ACSBG2: variants seen among roughly 807,000 people sequenced by gnomAD.
ACSBG2 encodes the protein long-chain-fatty-acid--CoA ligase ACSBG2.
A neutral mutation model predicts 74.7 loss-of-function variants in ACSBG2; 62 were observed. The observed-to-expected ratio is 0.83, with a 90% CI of 0.68 to 1.03. The LOEUF is 1.03. Among genes scored for constraint, ACSBG2 ranks in the 50% least tolerant of loss-of-function variants. The pLI, the probability that ACSBG2 is intolerant of heterozygous loss-of-function variation, is 0.00. For missense variants in ACSBG2, 730 were observed against 817.6 expected, an observed-to-expected ratio of 0.89 and a Z score of 1.31; for synonymous variants, 309 against 294.1, an observed-to-expected ratio of 1.05 and a Z score of -0.52.
intron 1 of ACSBG2, among the ~76,000 whole-genome samples, chr19:6,138,946 C>T (rs1003496927): frequency 6.6e-6 from 1 of 152,122 alleles, no homozygotes; most frequent in Non-Finnish European, 1.5e-5. Context: ...CCGCACACTC[C>T]GTGCATGTTT....
Position 6,156,441 on chromosome 19 carries a change from G to T in ACSBG2, c.397G>T (p.Val133Phe), listed in dbSNP as rs1317492056. 1.3e-6 allele frequency: 2 copies of T among 1,592,316 alleles called. No homozygotes were observed. The highest frequency in any genetic ancestry group is 3.6e-5 in the Admixed American group (2 of 55,432). Residue 133 changes from valine (V) to phenylalanine (F), a missense_variant, in exon 5 of 15, where the codon GTT becomes TTT. Coordinates refer to ENST00000588485, the MANE Select transcript of ACSBG2 (RefSeq NM_030924.5). ...VGAILAGGLC[V>F]GIYATNSAEV... ...GTTTTCTTTTCCCAGGGGTCTTTGT[G>T]TTGGTATTTATGCCACCAACTCTGC...
At chr19:6,157,039 T>C (rs1306756207) in intron 5 of ACSBG2, among the ~76,000 whole-genome samples, 1 of 151,968 alleles carries the variant, frequency 6.6e-6, no homozygotes, top group Non-Finnish European at 1.5e-5. Flanking sequence ...CTCTGCCTCC[T>C]GGGTTCATGC....
rs758197998 is a variant in ACSBG2 at position 6,182,883 on chromosome 19, G to C, written c.1039G>C (p.Val347Leu). The C allele has an allele frequency of 4.3e-6, 7 of 1,614,072 alleles. No individual in the cohort carries two copies. In the Admixed American group the frequency reaches 1.2e-4, roughly 27 times the overall value. ...KSMGLKKKAFVWARNIGFKVN... is the reference protein window; with the variant it reads ...KSMGLKKKAFLWARNIGFKVN... Reference sequence around the variant, plus strand: ...CATGGGCTTGAAGAAGAAGGCATTCGTGTGGGCAAGAAACATTGGCTTCAA... The same window carrying C: ...CATGGGCTTGAAGAAGAAGGCATTCCTGTGGGCAAGAAACATTGGCTTCAA... Residue 347 changes from valine (V) to leucine (L), a missense_variant, in exon 9 of 15, where the codon GTG becomes CTG. By Grantham distance (32) the Val-to-Leu change is conservative (BLOSUM62 1). Coordinates refer to ENST00000588485, the MANE Select transcript of ACSBG2 (RefSeq NM_030924.5).
intron 8 of ACSBG2, among the ~76,000 whole-genome samples, chr19:6,181,114 C>T (rs1279098639): frequency 6.8e-6 from 1 of 148,104 alleles, no homozygotes; most frequent in African/African-American, 2.5e-5. Flanking sequence ...AGCCCAGCTA[C>T]TCAGGAGGCT....
intron 8 of ACSBG2, among the ~76,000 whole-genome samples, chr19:6,181,756 A>G (rs75565859): frequency 0.084 from 12,351 of 147,830 alleles, 915 homozygotes; most frequent in African/African-American, 0.2. Flanking sequence ...CTAACCCTAA[A>G]TTTTGTGGAA....
chr19:6,163,027 G>A lies in ACSBG2; in HGVS notation c.588+1732G>A, dbSNP rs1284647619. Reference sequence around the variant, plus strand: ...AGGCTGGGCACAGTAGCTCATGCCTGTAATTGGGAGGCTGAGGTGGACAAA... The same window carrying A: ...AGGCTGGGCACAGTAGCTCATGCCTATAATTGGGAGGCTGAGGTGGACAAA... On this transcript the variant is annotated intron_variant, in intron 6 of 14. Transcript: ENST00000588485. Among the ~76,000 whole-genome samples, 3 of 151,710 alleles carry A rather than the reference G, an allele frequency of 2.0e-5. No individual in the cohort carries two copies. The East Asian group carries it at 5.8e-4, about 29-fold the overall frequency.
rs767667346 is a variant in ACSBG2 at position 6,187,369 on chromosome 19, G to T, written c.1627G>T (p.Ala543Ser). 6.2e-7 allele frequency: 1 copy of T among 1,614,086 alleles called. No individual in the cohort carries two copies. Among genetic ancestry groups the T allele is most frequent in the South Asian group, 1.1e-5 (1 of 91,078 alleles). The change falls in exon 12 of 15, where the codon GCC becomes TCC. Residue 543 changes from alanine (A) to serine (S), a missense_variant. By Grantham distance (99) the Ala-to-Ser change is moderately conservative (BLOSUM62 1). Coordinates refer to ENST00000588485, the MANE Select transcript of ACSBG2 (RefSeq NM_030924.5). ...GAAGAAGATCCCCATCATCAGTAAC[G>T]CCATGTTAGTAGGAGATAAACTGAA... ...VKKKIPIISN[A>S]MLVGDKLKFL...
intron 1 of ACSBG2, among the ~76,000 whole-genome samples, chr19:6,136,311 C>T (rs1010358139): frequency 2.6e-5 from 4 of 152,072 alleles, no homozygotes; most frequent in African/African-American, 9.7e-5. Context: ...CCAGGATAGT[C>T]TCAATCTCCT....
intron 13 of ACSBG2, among the ~76,000 whole-genome samples, chr19:6,189,216 G>A (rs914078268): frequency 5.9e-5 from 9 of 152,042 alleles, no homozygotes; most frequent in African/African-American, 1.2e-4. Context: ...GCTTGCCATC[G>A]TCCTTAATAT....
intron 5 of ACSBG2, chr19:6,160,785 T>G (rs953252766): frequency 6.2e-6 from 1 of 160,216 alleles, no homozygotes; most frequent in African/African-American, 2.4e-5. Context: ...AGCAGCATTT[T>G]ATAGTGTGGG....
At chr19:6,183,308 T>A (rs755407498) in intron 10 of ACSBG2, 36 bp downstream of exon 10, 2 of 1,582,676 alleles carry the variant, frequency 1.3e-6, no homozygotes, top group African/African-American at 1.4e-5. Context: ...GCTCCTCCCA[T>A]AACATGGGGT....
chr19:6,144,092 G>T (rs2088944335), intron 2 of ACSBG2, among the ~76,000 whole-genome samples: 1 of 152,130 alleles, frequency 6.6e-6, no homozygotes, highest in African/African-American at 2.4e-5. Flanking sequence ...CCACCTCCCG[G>T]GTTCAAGCGA....
intron 7 of ACSBG2, among the ~76,000 whole-genome samples, chr19:6,166,804 A>T (rs61707093): frequency 0.023 from 3,515 of 151,560 alleles, 122 homozygotes; most frequent in African/African-American, 0.076. Flanking sequence ...CATCCAACTA[A>T]TTTTTTGTAT....
intron 7 of ACSBG2, among the ~76,000 whole-genome samples, chr19:6,172,821 C>T (rs546672172): frequency 2.0e-5 from 3 of 152,164 alleles, no homozygotes; most frequent in South Asian, 4.2e-4. Context: ...CATGCATACC[C>T]TGATGGAGGT....
chr19:6,185,288 A>G, intron 10 of ACSBG2, 148 bp from the exon 11 acceptor site: 1 of 768,942 alleles, frequency 1.3e-6, no homozygotes, highest in Non-Finnish European at 2.2e-6. Flanking sequence ...TAAACACTGC[A>G]GCAAACACCT....
intron 2 of ACSBG2, among the ~76,000 whole-genome samples, chr19:6,146,772 A>AAAAAC (rs1366506903): frequency 6.6e-6 from 1 of 150,482 alleles, no homozygotes; most frequent in Admixed American, 6.6e-5. Context: ...TCTCAAAAAC[A>AAAAAC]AAAACAAAAC....
Position 6,141,572 on chromosome 19 carries a change from G to A in ACSBG2, c.29G>A (p.Gly10Glu). ...ACTGGAACCCCAAAGACTCAAGAAG[G>A]AGCTAAAGATCTTGAAGTAGACATG... is the stretch of plus-strand genomic sequence containing the variant. The part of the protein sequence containing the change: MTGTPKTQE[G>E]AKDLEVDMNK... Residue 10 changes from glycine to glutamate, a missense_variant, in exon 2 of 15, where the codon GGA (glycine) becomes GAA (glutamate). By Grantham distance (98) the Gly-to-Glu change is moderately conservative (BLOSUM62 -2). Transcript: ENST00000588485. 4.3e-6 allele frequency: 7 copies of A among 1,612,398 alleles called. No individual in the cohort carries two copies. Among genetic ancestry groups the A allele is most frequent in the Non-Finnish European group, 5.9e-6 (7 of 1,178,440 alleles).
At chr19:6,149,368 A>G (rs74987967) in intron 3 of ACSBG2, among the ~76,000 whole-genome samples, 2,849 of 152,228 alleles carry the variant, frequency 0.019, 91 homozygotes, top group African/African-American at 0.065. Flanking sequence ...CGTATGACTA[A>G]AAGAGCCAAC....
chr19:6,166,280 T>TTTGTGTGTGTGTGTGTGTGTGTG (rs1555694318), intron 7 of ACSBG2, among the ~76,000 whole-genome samples: 3 of 119,146 alleles, frequency 2.5e-5, no homozygotes, highest in African/African-American at 1.1e-4. Context: ...GTCAGGAAGG[T>TTTGTGTGTGTGTGTGTGTGTGTG]TGTGTGTGTG....
Sources: gnomAD v4.1 joint callset for allele counts (sites outside exome capture counted in the v4.1 genomes callset) on GRCh38, gnomAD v4.1.1 for gene constraint, MANE v1.5 for transcripts, NCBI Gene and HGNC (gene_info 2026-07-23, HGNC 2026-07-21) for gene names.